KCNJ16: variants seen among roughly 807,000 people sequenced by gnomAD.
KCNJ16 encodes potassium inwardly rectifying channel subfamily J member 16, also known as inward rectifier potassium channel 16.
KCNJ16 carries 15 observed loss-of-function variants against 18.5 expected under a neutral mutation model. The ratio of observed to expected loss-of-function variants is 0.81; its 90% CI spans 0.54 to 1.25. The LOEUF is 1.25. Among genes scored for constraint, KCNJ16 ranks in the 50% most tolerant of loss-of-function variants. The pLI, the probability that KCNJ16 is intolerant of heterozygous loss-of-function variation, is 0.00. For missense variants in KCNJ16, 523 were observed against 525.7 expected (o/e 0.99, Z 0.05); for synonymous variants, 174 against 186.5 (o/e 0.93, Z 0.55).
At chr17:70,091,223 T>TGGGAAA (rs2072075355) in intron 1 of KCNJ16, among the ~76,000 whole-genome samples, 1 of 152,168 alleles carries the variant, frequency 6.6e-6, no homozygotes, top group African/African-American at 2.4e-5. Context: ...TCCTACTCAT[T>TGGGAAA]TGACCATCAT....
At position 70,100,688 on chromosome 17, in the gene KCNJ16, T is replaced by C. The variant is rs183949551; in HGVS notation, c.-269T>C. The C allele has an allele frequency of 2.0e-5, 3 of 152,340 alleles. No individual in the cohort carries two copies. The highest frequency in any genetic ancestry group is 4.1e-4 in the South Asian group (2 of 4,832). The allele number at this position is 152,340 out of a possible 1,614,324, so 9.4% of individuals were successfully genotyped here. A position where few individuals can be genotyped will look rare whatever the true frequency, so the allele number is the denominator to read the frequency against. ...GGGATTGAGGCACAGAGTGTTAAAA[T>C]AGTGAGACACAGGATTCTAACTGGC... On this transcript the variant is annotated 5_prime_UTR_variant, in exon 2 of 4. Coordinates refer to ENST00000392671, the MANE Select transcript of KCNJ16 (RefSeq NM_170741.4).
At position 70,093,370 on chromosome 17, in the gene KCNJ16, T is replaced by C. The variant is rs2366291; in HGVS notation, c.-299-7288T>C. Among the ~76,000 whole-genome samples the C allele has an allele frequency of 1.0e-3, 152 of 152,258 alleles. 1 individual carries two copies. The highest frequency in any genetic ancestry group is 3.5e-3 in the African/African-American group (147 of 41,544). ...CTTTTAGCTTCTGCTAGCCCCGGGC[T>C]TTCCTTCCTTGTAGCAGTGCAATTC... On this transcript the variant is annotated intron_variant, in intron 1 of 3. Transcript: ENST00000392671.
rs2074070853 is a variant in KCNJ16 at position 70,131,986 on chromosome 17, G to GT, written c.-93-3dup. Reference sequence around the variant, plus strand: ...TAAAAAGTGTGTTTTTGTTGTTGTTGTTTTTTAGGTTCTAACTGAAAACCC... The same window carrying GT: ...TAAAAAGTGTGTTTTTGTTGTTGTTGTTTTTTTAGGTTCTAACTGAAAACCC... On this transcript the variant is annotated splice_polypyrimidine_tract_variant and intron_variant, in intron 3 of 3. Transcript: ENST00000392671. 16 of 1,552,608 alleles carry GT rather than the reference G, an allele frequency of 1.0e-5. No individual in the cohort carries two copies. The highest frequency in any genetic ancestry group is 1.4e-5 in the Non-Finnish European group (16 of 1,153,142).
intron 1 of KCNJ16, among the ~76,000 whole-genome samples, chr17:70,092,186 C>T (rs1181326772): frequency 2.0e-5 from 3 of 152,086 alleles, no homozygotes; most frequent in African/African-American, 7.2e-5. Flanking sequence ...CAAATCACAT[C>T]TTTTACATAA....
Position 70,099,646 on chromosome 17 carries a change from T to G in KCNJ16, c.-299-1012T>G, listed in dbSNP as rs61483447. On this transcript the variant is annotated intron_variant, in intron 1 of 3. Coordinates refer to ENST00000392671, the MANE Select transcript of KCNJ16 (RefSeq NM_170741.4). ...CTTTCTCATGATTCATATTGTGGGTTGAATCTTTCTCATGGCATTTCTTCA... is the reference window on the plus strand; with the variant it reads ...CTTTCTCATGATTCATATTGTGGGTGGAATCTTTCTCATGGCATTTCTTCA... Among the ~76,000 whole-genome samples, 1,007 of 152,178 alleles carry G rather than the reference T, an allele frequency of 6.6e-3. 6 individuals are homozygous for G. Among genetic ancestry groups the G allele is most frequent in the African/African-American group, 0.022 (916 of 41,500 alleles).
chr17:70,129,901 CATTTATTTATTTATTTATTTATTTATTT>C (rs36175135), intron 2 of KCNJ16, among the ~76,000 whole-genome samples: 1 of 144,260 alleles, frequency 6.9e-6, no homozygotes, highest in Non-Finnish European at 1.5e-5. Flanking sequence ...TAAAACCTTT[CATTTATTTATTTATTTATTTATTTATTT>C]ATTTATTTAT....
At chr17:70,125,730 A>ACCATC (rs1009865804) in intron 2 of KCNJ16, among the ~76,000 whole-genome samples, 10 of 152,190 alleles carry the variant, frequency 6.6e-5, no homozygotes, top group Non-Finnish European at 1.5e-5. Flanking sequence ...AGAGATCGAG[A>ACCATC]CCATCCTGGC....
chr17:70,089,019 A>G (rs2071966413), intron 1 of KCNJ16, among the ~76,000 whole-genome samples: 1 of 152,184 alleles, frequency 6.6e-6, no homozygotes, highest in African/African-American at 2.4e-5. Context: ...TCTCGTTTCC[A>G]CCAGAACGTG....
intron 2 of KCNJ16, among the ~76,000 whole-genome samples, chr17:70,104,519 A>G (rs2072819795): frequency 6.6e-6 from 1 of 152,194 alleles, no homozygotes. Context: ...ATTTGCATAG[A>G]AAAATCTTTG....
intron 1 of KCNJ16, among the ~76,000 whole-genome samples, chr17:70,081,430 A>C (rs1340131560): frequency 2.0e-5 from 3 of 152,212 alleles, no homozygotes; most frequent in Admixed American, 6.5e-5. Flanking sequence ...TTAAAAGCTA[A>C]AGAAACATTC....
chr17:70,088,573 A>G (rs1262011116), intron 1 of KCNJ16, among the ~76,000 whole-genome samples: 1 of 152,218 alleles, frequency 6.6e-6, no homozygotes. Context: ...TAACATTCCC[A>G]GGGGATTAAA....
chr17:70,128,454 G>A (rs1211552359), intron 2 of KCNJ16, among the ~76,000 whole-genome samples: 1 of 152,120 alleles, frequency 6.6e-6, no homozygotes, highest in Non-Finnish European at 1.5e-5. Flanking sequence ...GTAAATCAGG[G>A]AGTCTCTCGC....
chr17:70,102,061 C>T (rs1204199525), intron 2 of KCNJ16: 1 of 151,902 alleles, frequency 6.6e-6, no homozygotes, highest in African/African-American at 2.4e-5. Context: ...TTCATTTTCA[C>T]CTGATTAGTT....
Position 70,092,489 on chromosome 17 carries a change from A to AATAG in KCNJ16, c.-299-8137_-299-8134dup, listed in dbSNP as rs56383039. Among the ~76,000 whole-genome samples the AATAG allele has an allele frequency of 2.9e-3, 261 of 89,932 alleles. 1 individual carries two copies. Among genetic ancestry groups the AATAG allele is most frequent in the East Asian group, 8.7e-3 (23 of 2,642 alleles). 59.0% of individuals were successfully genotyped at this position (89,932 alleles called of 152,430 possible). A position where few individuals can be genotyped will look rare whatever the true frequency, so the allele number is the denominator to read the frequency against. On this transcript the variant is annotated intron_variant, in intron 1 of 3. Coordinates refer to ENST00000392671, the MANE Select transcript of KCNJ16 (RefSeq NM_170741.4). Reference sequence around the variant, plus strand: ...CAAGGTTCTCTAGAGAAACAGAACCAATAGATAGATAGATAGATAGATAGA... The same window carrying AATAG: ...CAAGGTTCTCTAGAGAAACAGAACCAATAGATAGATAGATAGATAGATAGATAGA...
chr17:70,110,482 G>GCGCACA (rs1555592362), intron 2 of KCNJ16, among the ~76,000 whole-genome samples: 4 of 149,782 alleles, frequency 2.7e-5, no homozygotes, highest in Admixed American at 1.3e-4. Flanking sequence ...CTTCGTGCGC[G>GCGCACA]CACACACACA....
chr17:70,098,306 C>T (rs77394617), intron 1 of KCNJ16, among the ~76,000 whole-genome samples: 5,610 of 152,180 alleles, frequency 0.037, 95 homozygotes, highest in Middle Eastern at 0.068. Flanking sequence ...CAAACATATT[C>T]GTGCTTTGAA....
Position 70,132,198 on chromosome 17 carries a change from T to A in KCNJ16, c.111T>A (p.Leu37=). 1 of 1,614,210 alleles carries A rather than the reference T, an allele frequency of 6.2e-7. No homozygotes were observed. Among genetic ancestry groups the A allele is most frequent in the Non-Finnish European group, 8.5e-7 (1 of 1,180,042 alleles). The change falls in exon 4 of 4, where the codon CTT becomes CTA. Residue 37 remains leucine (L), a synonymous_variant. Transcript: ENST00000392671. The stretch of plus-strand genomic sequence containing the variant: ...AGAGAAGAGCAAGAAGACGATTACT[T>A]CACAAAGATGGCAGCTGTAATGTCT... ...AEKRRARRRL[L]HKDGSCNVYF...
intron 2 of KCNJ16, among the ~76,000 whole-genome samples, chr17:70,119,595 C>T (rs2073548991): frequency 6.6e-6 from 1 of 152,216 alleles, no homozygotes; most frequent in Non-Finnish European, 1.5e-5. Context: ...CTTGCACTCT[C>T]TGAAGCAGCA....
At chr17:70,105,381 A>G (rs764786568) in intron 2 of KCNJ16, among the ~76,000 whole-genome samples, 3 of 152,220 alleles carry the variant, frequency 2.0e-5, no homozygotes, top group Non-Finnish European at 2.9e-5. Context: ...GCCAGCTGAC[A>G]TAACTTACTG....
Sources: allele counts gnomAD v4.1 joint callset (sites outside exome capture counted in the v4.1 genomes callset), GRCh38; gene constraint gnomAD v4.1.1; transcripts MANE v1.5; gene names NCBI Gene and HGNC (gene_info 2026-07-23, HGNC 2026-07-21).